The following KALRN variants were observed in gnomAD, a reference collection of about 807,000 sequenced individuals.
KALRN encodes the protein kalirin RhoGEF kinase.
A neutral mutation model predicts 353.7 loss-of-function variants in KALRN; 70 were observed. The ratio of observed to expected loss-of-function variants is 0.20; its 90% CI spans 0.16 to 0.24. The LOEUF (loss-of-function observed/expected upper bound fraction) is 0.24. KALRN is among the 10% of genes least tolerant of loss of function. The probability of loss-of-function intolerance (pLI) is 1.00; values close to 1 mark genes in which losing one functional copy is unlikely to be tolerated. For synonymous variants in KALRN, 1,391 were observed against 1,434.8 expected (o/e 0.97, Z 0.69); for missense variants, 2,791 against 3,756.7 (o/e 0.74, Z 6.72).
At chr3:124,433,123 T>C (rs765812544) in intron 16 of KALRN, among the ~76,000 whole-genome samples, 12 of 152,238 alleles carry the variant, frequency 7.9e-5, no homozygotes, top group Middle Eastern at 3.4e-3. Flanking sequence ...CTTAACCCAT[T>C]TTGACAGTGT....
chr3:124,366,660 C>G (rs1448680178), intron 10 of KALRN, among the ~76,000 whole-genome samples: 10 of 151,916 alleles, frequency 6.6e-5, no homozygotes, highest in Non-Finnish European at 1.0e-4. Context: ...CACCTTTCCC[C>G]CCTTTCTATT....
intron 1 of KALRN, among the ~76,000 whole-genome samples, chr3:124,135,117 G>C: frequency 6.6e-6 from 1 of 152,132 alleles, no homozygotes; most frequent in Non-Finnish European, 1.5e-5. Flanking sequence ...CAAAATTGTG[G>C]AACCAACCCA....
intron 47 of KALRN, among the ~76,000 whole-genome samples, chr3:124,669,560 G>A (rs2086119861): frequency 6.6e-6 from 1 of 152,150 alleles, no homozygotes. Context: ...GTTTGATAAG[G>A]CCTACTTTAT....
At position 124,226,824 on chromosome 3, in the gene KALRN, C is replaced by T. The variant is rs142877747; in HGVS notation, c.74-1166C>T. Among the ~76,000 whole-genome samples, 3 of 152,136 alleles carry T rather than the reference C, an allele frequency of 2.0e-5. No homozygotes were observed. The East Asian group carries it at 5.8e-4, about 29-fold the overall frequency. ...CCTCTGTCAATTGTCAAATTTGGAC[C>T]CTAAGGGTGTAAGCCAAGTGGAGAA... On this transcript the variant is annotated intron_variant, in intron 1 of 59. Coordinates refer to ENST00000682506, the MANE Select transcript of KALRN (RefSeq NM_001388419.1).
rs1438981144 is a variant in KALRN at position 124,726,117 on chromosome 3, G to A, written c.*6647G>A. The A allele has an allele frequency of 1.3e-5, 2 of 152,038 alleles. No individual in the cohort carries two copies. Among genetic ancestry groups the A allele is most frequent in the Non-Finnish European group, 2.9e-5 (2 of 68,006 alleles). 9.4% of individuals were successfully genotyped at this position (152,038 alleles called of 1,614,324 possible). A position where few individuals can be genotyped will look rare whatever the true frequency, so the allele number is the denominator to read the frequency against. ...ATTATTTTTAAATTTTTCTGCTGTT[G>A]TTCATTTTGTATGCACACAATGTCG... is the stretch of plus-strand genomic sequence containing the variant. On this transcript the variant is annotated 3_prime_UTR_variant, in exon 60 of 60. Transcript: ENST00000682506.
chr3:124,584,561 C>T (rs890905478), intron 34 of KALRN: 29 of 1,262,524 alleles, frequency 2.3e-5, no homozygotes, highest in Admixed American at 7.2e-5. Context: ...AGGCTCCGGC[C>T]GCTGCTGGCC....
At chr3:124,163,719 C>T (rs902949942) in intron 1 of KALRN, 2 of 985,348 alleles carry the variant, frequency 2.0e-6, no homozygotes, top group South Asian at 4.7e-5. Flanking sequence ...TTACCATAGA[C>T]CTTGCTCATA....
At chr3:124,373,474 T>C (rs2086154415) in intron 10 of KALRN, among the ~76,000 whole-genome samples, 1 of 152,196 alleles carries the variant, frequency 6.6e-6, no homozygotes, top group Non-Finnish European at 1.5e-5. Flanking sequence ...TCCGCACAGA[T>C]TAAAACAGCA....
chr3:124,301,086 A>G (rs970268553), intron 6 of KALRN, among the ~76,000 whole-genome samples: 2 of 152,348 alleles, frequency 1.3e-5, no homozygotes. Flanking sequence ...AACTCATTTT[A>G]ATAAGCAACA....
At chr3:124,566,218 C>G (rs535496300) in intron 34 of KALRN, among the ~76,000 whole-genome samples, 6 of 152,256 alleles carry the variant, frequency 3.9e-5, no homozygotes, top group Admixed American at 1.3e-4. Flanking sequence ...GGACCTAAGT[C>G]GGCCAGGCGC....
chr3:124,146,035 A>G (rs2067280347), intron 1 of KALRN, among the ~76,000 whole-genome samples: 1 of 152,236 alleles, frequency 6.6e-6, no homozygotes, highest in African/African-American at 2.4e-5. Flanking sequence ...TTGGGCCCTC[A>G]TGAGGCATCT....
At chr3:124,368,412 A>G (rs1353345141) in intron 10 of KALRN, among the ~76,000 whole-genome samples, 1 of 138,744 alleles carries the variant, frequency 7.2e-6, no homozygotes, top group African/African-American at 2.8e-5. Context: ...GGCGCTCCTC[A>G]CATCCCAGAT....
At chr3:124,715,918 C>T (rs2063114673) in intron 58 of KALRN, among the ~76,000 whole-genome samples, 1 of 152,174 alleles carries the variant, frequency 6.6e-6, no homozygotes, top group African/African-American at 2.4e-5. Context: ...CATCTCACTC[C>T]ATCCTTGCAC....
At chr3:124,410,297 A>G (rs760942890) in intron 13 of KALRN, 4 of 530,974 alleles carry the variant, frequency 7.5e-6, no homozygotes, top group South Asian at 5.7e-5. Flanking sequence ...ACTCAGTTTC[A>G]CAGAAACAAA....
intron 33 of KALRN, among the ~76,000 whole-genome samples, chr3:124,531,399 T>C (rs1400134720): frequency 6.6e-6 from 1 of 152,256 alleles, no homozygotes; most frequent in Non-Finnish European, 1.5e-5. Context: ...GAATTTCCAA[T>C]TTACACCTTG....
At position 124,395,335 on chromosome 3, in the gene KALRN, C is replaced by G. The variant is rs768033121; in HGVS notation, c.2163C>G (p.Ser721Arg). Residue 721 changes from serine (S) to arginine (R), a missense_variant, in exon 12 of 60, where the codon AGC (serine) becomes AGG (arginine). Physicochemically the swap from Ser to Arg is moderately radical, Grantham distance 110. Around this residue, in one of 11 missense-constraint regions of KALRN, gnomAD observed 452 missense variants for 575.8 expected, o/e 0.78. Transcript: ENST00000682506. The stretch of plus-strand genomic sequence containing the variant: ...CGCCTCCCTCCCTCGGGGAGCCCAG[C>G]GAGGCCAGGTCAGCATGGGCAGAGC... ...RSAPPSLGEP[S>R]EARDSAVSNN... 3.1e-6 allele frequency: 5 copies of G among 1,611,730 alleles called. No homozygotes were observed. Among genetic ancestry groups the G allele is most frequent in the Non-Finnish European group, 4.2e-6 (5 of 1,179,114 alleles).
intron 1 of KALRN, among the ~76,000 whole-genome samples, chr3:124,150,070 C>CT (rs1206585598): frequency 6.6e-6 from 1 of 152,198 alleles, no homozygotes; most frequent in Non-Finnish European, 1.5e-5. Flanking sequence ...ATTGGGTGGA[C>CT]TGTGTCTTGC....
chr3:124,630,637 C>T (rs2080666095), intron 34 of KALRN, among the ~76,000 whole-genome samples: 1 of 152,096 alleles, frequency 6.6e-6, no homozygotes, highest in Non-Finnish European at 1.5e-5. Context: ...GCTGTATGTC[C>T]TTAAGCAAGT....
At chr3:124,112,438 T>C (rs567371083) in intron 1 of KALRN, among the ~76,000 whole-genome samples, 1 of 151,972 alleles carries the variant, frequency 6.6e-6, no homozygotes, top group South Asian at 2.1e-4. Flanking sequence ...GAAGGCGAGG[T>C]ATGAAGGTAC....
Sources: gnomAD v4.1 joint callset for allele counts (sites outside exome capture counted in the v4.1 genomes callset) on GRCh38, gnomAD v4.1.1 for gene constraint, gnomAD v4.1.1 regional missense constraint, MANE v1.5 for transcripts, NCBI Gene and HGNC (gene_info 2026-07-23, HGNC 2026-07-21) for gene names.